The following CTNNA3 variants were observed in gnomAD, a reference collection of about 807,000 sequenced individuals.
CTNNA3 encodes the protein catenin alpha-3.
Under a neutral mutation model 95.7 loss-of-function variants are expected in CTNNA3, and 76 were observed. The ratio of observed to expected loss-of-function variants is 0.79; its 90% confidence interval spans 0.66 to 0.96. The LOEUF (loss-of-function observed/expected upper bound fraction) is 0.96. Among genes scored for constraint, CTNNA3 ranks in the 40% least tolerant of loss-of-function variants. The pLI is 0.00. For missense variants in CTNNA3, 1,191 were observed against 1,089.8 expected (o/e 1.09, Z -1.31); for synonymous variants, 431 against 374.4 (o/e 1.15, Z -1.74).
chr10:67,558,628 C>G (rs1841346532), intron 3 of CTNNA3, among the ~76,000 whole-genome samples: 2 of 152,192 alleles, frequency 1.3e-5, no homozygotes, highest in African/African-American at 2.4e-5. Context: ...GCGTGCCAGA[C>G]AGTGGGCACA....
intron 9 of CTNNA3, among the ~76,000 whole-genome samples, chr10:66,631,940 A>T (rs926941577): frequency 6.9e-6 from 1 of 145,596 alleles, no homozygotes; most frequent in South Asian, 2.3e-4. Context: ...ATATATTTTA[A>T]AAGTTTTCAT....
intron 13 of CTNNA3, among the ~76,000 whole-genome samples, chr10:66,150,407 A>C (rs1424076321): frequency 2.0e-5 from 3 of 152,162 alleles, no homozygotes; most frequent in Non-Finnish European, 4.4e-5. Context: ...CTTTATCAGC[A>C]GTGTGAAAGC....
chr10:65,988,796 C>T lies in CTNNA3; in HGVS notation c.2161G>A (p.Gly721Ser). ...GTTGTATGCTTTAGTGGTCCTTTGC[C>T]CCTGGAAAAAAATTTATATATGTTA... ...IMMEMTDFTRGKGPLKHTTDV... is the reference protein window; with the variant it reads ...IMMEMTDFTRSKGPLKHTTDV... Residue 721 changes from glycine to serine, a missense_variant and splice_region_variant, in exon 16 of 18, where the codon GGC becomes AGC. Physicochemically the swap from Gly to Ser is moderately conservative, Grantham distance 56. Transcript: ENST00000433211. The T allele has an allele frequency of 6.2e-7, 1 of 1,609,214 alleles. No homozygotes were observed. Among genetic ancestry groups the T allele is most frequent in the Non-Finnish European group, 8.5e-7 (1 of 1,177,186 alleles).
At chr10:67,245,040 A>T (rs1317045006) in intron 5 of CTNNA3, among the ~76,000 whole-genome samples, 4 of 152,024 alleles carry the variant, frequency 2.6e-5, no homozygotes, top group African/African-American at 7.2e-5. Flanking sequence ...TTACCTCTAC[A>T]ACTTACCATG....
intron 5 of CTNNA3, among the ~76,000 whole-genome samples, chr10:67,440,739 T>A (rs1218734354): frequency 1.3e-5 from 2 of 150,934 alleles, no homozygotes; most frequent in East Asian, 3.9e-4. Context: ...CCACCAAGAC[T>A]GCACCTCTAT....
intron 7 of CTNNA3, among the ~76,000 whole-genome samples, chr10:67,005,680 A>ATATTTTTTTTTTTTT (rs1564825972): frequency 3.8e-5 from 1 of 26,398 alleles, no homozygotes; most frequent in Admixed American, 7.9e-4. Context: ...ATTTTACTCC[A>ATATTTTTTTTTTTTT]TCTTTTTTTT....
chr10:66,720,161 T>C (rs1484045379), intron 9 of CTNNA3, among the ~76,000 whole-genome samples: 2 of 152,016 alleles, frequency 1.3e-5, no homozygotes, highest in South Asian at 2.1e-4. Context: ...GGAAAGACCT[T>C]CTCTCTCGTT....
At chr10:66,618,087 C>T (rs1462851869) in intron 10 of CTNNA3, among the ~76,000 whole-genome samples, 1 of 152,086 alleles carries the variant, frequency 6.6e-6, no homozygotes, top group Non-Finnish European at 1.5e-5. Context: ...GAAGAACATT[C>T]CATGCTCATG....
intron 9 of CTNNA3, among the ~76,000 whole-genome samples, chr10:66,659,215 C>CAT (rs1846173014): frequency 6.6e-6 from 1 of 150,686 alleles, no homozygotes; most frequent in Middle Eastern, 3.2e-3. Flanking sequence ...CACACACACA[C>CAT]ACATACGTGT....
intron 13 of CTNNA3, among the ~76,000 whole-genome samples, chr10:66,194,635 CACATT>C (rs1395013565): frequency 2.6e-5 from 4 of 152,080 alleles, no homozygotes; most frequent in African/African-American, 9.7e-5. Context: ...GTGAAATTTA[CACATT>C]ACAAGAATTT....
intron 7 of CTNNA3, among the ~76,000 whole-genome samples, chr10:67,174,238 C>T (rs1225374734): frequency 1.3e-5 from 2 of 152,192 alleles, no homozygotes; most frequent in South Asian, 2.1e-4. Context: ...TCCGCAATCA[C>T]ATAGCTTGCA....
intron 15 of CTNNA3, among the ~76,000 whole-genome samples, chr10:66,056,744 A>T (rs1444454296): frequency 1.3e-5 from 2 of 152,202 alleles, no homozygotes; most frequent in Non-Finnish European, 2.9e-5. Flanking sequence ...TTCAGCATTC[A>T]ATCTTGGTAC....
intron 7 of CTNNA3, among the ~76,000 whole-genome samples, chr10:66,914,992 A>C (rs914275524): frequency 1.3e-5 from 2 of 152,208 alleles, no homozygotes; most frequent in Non-Finnish European, 2.9e-5. Context: ...TAGGATGGAA[A>C]GAGATAAAGA....
At chr10:67,415,903 T>C (rs1349652554) in intron 5 of CTNNA3, among the ~76,000 whole-genome samples, 1 of 152,160 alleles carries the variant, frequency 6.6e-6, no homozygotes, top group Non-Finnish European at 1.5e-5. Context: ...GGGAAAGGAC[T>C]CCCTATTCAA....
At chr10:66,068,703 G>A (rs920896754) in intron 15 of CTNNA3, among the ~76,000 whole-genome samples, 13 of 152,082 alleles carry the variant, frequency 8.5e-5, no homozygotes, top group Non-Finnish European at 1.6e-4. Context: ...AGTTGTTATA[G>A]TTTGTGTACA....
intron 13 of CTNNA3, among the ~76,000 whole-genome samples, chr10:66,175,191 C>T (rs1229352403): frequency 3.9e-5 from 6 of 152,112 alleles, no homozygotes; most frequent in Non-Finnish European, 8.8e-5. Flanking sequence ...CACACACACA[C>T]ACTCACAACC....
At chr10:66,810,266 A>T (rs1841822410) in intron 7 of CTNNA3, among the ~76,000 whole-genome samples, 1 of 152,278 alleles carries the variant, frequency 6.6e-6, no homozygotes, top group African/African-American at 2.4e-5. Context: ...TAAATATACC[A>T]ATATAGTATG....
intron 1 of CTNNA3, among the ~76,000 whole-genome samples, chr10:67,729,462 A>C (rs1841262668): frequency 6.6e-6 from 1 of 152,156 alleles, no homozygotes. Context: ...CAATAAAGAC[A>C]ATGTTAATCT....
At chr10:67,142,023 TC>T (rs1860592411) in intron 7 of CTNNA3, among the ~76,000 whole-genome samples, 1 of 152,168 alleles carries the variant, frequency 6.6e-6, no homozygotes, top group Non-Finnish European at 1.5e-5. Flanking sequence ...ATGCAATTTT[TC>T]CATATGCTTG....
Sources: allele counts gnomAD v4.1 joint callset (sites outside exome capture counted in the v4.1 genomes callset), GRCh38; gene constraint gnomAD v4.1.1; transcripts MANE v1.5; gene names NCBI Gene and HGNC (gene_info 2026-07-23, HGNC 2026-07-21).